The following SYNE1 variants were observed in gnomAD, a reference collection of about 807,000 sequenced individuals.
SYNE1 encodes the protein spectrin repeat containing nuclear envelope protein 1.
Under a neutral mutation model 1,111.0 loss-of-function variants are expected in SYNE1, and 616 were observed. The observed-to-expected ratio is 0.55, with a 90% CI of 0.52 to 0.59. SYNE1 has a LOEUF of 0.59. SYNE1 is among the 20% of genes least tolerant of loss of function. The pLI is 0.00. For synonymous variants in SYNE1, 3,855 were observed against 3,825.8 expected (o/e 1.01, Z -0.28); for missense variants, 10,006 against 10,417.0 (o/e 0.96, Z 1.72).
In SYNE1 at chr6:152,301,463, A is replaced by T. The variant is rs528734203; in HGVS notation, c.17541+406T>A. Among the ~76,000 whole-genome samples, 12 of 152,350 alleles carry T rather than the reference A, an allele frequency of 7.9e-5. No homozygotes were observed. The South Asian group carries it at 2.1e-3, about 26-fold the overall frequency. ...ATTACACATTTATACAGTAGAGTAC[A>T]TGCACATATGTAGTTAGCTAGTTAG... On this transcript the variant is annotated intron_variant, in intron 92 of 145. Coordinates refer to ENST00000367255, the MANE Select transcript of SYNE1 (RefSeq NM_182961.4).
At chr6:152,574,890 T>C (rs1219651914) in intron 3 of SYNE1, among the ~76,000 whole-genome samples, 1 of 152,162 alleles carries the variant, frequency 6.6e-6, no homozygotes, top group Non-Finnish European at 1.5e-5. Context: ...TTTTGGTTTG[T>C]TTTTTGTTTT....
At chr6:152,216,209 G>C (rs2078620478) in intron 121 of SYNE1, among the ~76,000 whole-genome samples, 2 of 152,126 alleles carry the variant, frequency 1.3e-5, no homozygotes, top group Admixed American at 1.3e-4. Flanking sequence ...CTGTTAAATG[G>C]CATAATGTCC....
In SYNE1 at chr6:152,427,515, C is replaced by T; in HGVS notation, c.5100+178G>A. 9.9e-6 allele frequency: 7 copies of T among 704,424 alleles called. No homozygotes were observed. The South Asian group carries it at 1.1e-4, about 11-fold the overall frequency. 43.6% of individuals were successfully genotyped at this position (704,424 alleles called of 1,614,324 possible). A position where few individuals can be genotyped will look rare whatever the true frequency, so the allele number is the denominator to read the frequency against. ...AAGTTCTCATTGTTAGTTTCTCTCC[C>T]TTTCAGGTCATGGTTGCTTTCTTCT... On this transcript the variant is annotated intron_variant, in intron 38 of 145. Transcript: ENST00000367255.
chr6:152,133,687 CT>C (rs1225915801), intron 142 of SYNE1, 199 bp from the exon 143 acceptor site: 3 of 606,976 alleles, frequency 4.9e-6, no homozygotes, highest in Non-Finnish European at 8.8e-6. Context: ...TATAAGACCC[CT>C]GACCGTCTCT....
At chr6:152,201,168 T>C (rs555516359) in intron 127 of SYNE1, among the ~76,000 whole-genome samples, 1 of 152,292 alleles carries the variant, frequency 6.6e-6, no homozygotes, top group East Asian at 1.9e-4. Flanking sequence ...GAACTGCTGT[T>C]TGGACATTTC....
intron 38 of SYNE1, among the ~76,000 whole-genome samples, chr6:152,427,212 T>G (rs984022948): frequency 2.0e-5 from 3 of 152,270 alleles, no homozygotes; most frequent in African/African-American, 7.2e-5. Context: ...ATTCATTTTT[T>G]TCTGTCTTCC....
chr6:152,538,261 A>C (rs2099253232), intron 4 of SYNE1, among the ~76,000 whole-genome samples: 1 of 152,234 alleles, frequency 6.6e-6, no homozygotes, highest in South Asian at 2.1e-4. Flanking sequence ...CTTTCACTGT[A>C]GTATTTTATA....
In SYNE1 at chr6:152,230,461, A is replaced by T. The variant is rs182500931; in HGVS notation, c.21195+86T>A. ...CTTTTAAATATTTAAAAAAATATTTAACTTGCAACTCTCAAGGCCTATAAA... is the reference window on the plus strand; with the variant it reads ...CTTTTAAATATTTAAAAAAATATTTTACTTGCAACTCTCAAGGCCTATAAA... On this transcript the variant is annotated intron_variant, in intron 115 of 145. Transcript: ENST00000367255. 1.9e-5 allele frequency: 26 copies of T among 1,360,794 alleles called. No individual in the cohort carries two copies. In the Admixed American group the frequency reaches 4.3e-4, roughly 23 times the overall value. The allele number at this position is 1,360,794 out of a possible 1,614,324, so 84.3% of individuals were successfully genotyped here. A position where few individuals can be genotyped will look rare whatever the true frequency, so the allele number is the denominator to read the frequency against.
chr6:152,391,132 A>T, intron 52 of SYNE1, 145 bp downstream of exon 52: 1 of 1,120,340 alleles, frequency 8.9e-7, no homozygotes, highest in African/African-American at 1.5e-5. Context: ...ATGCCTCTGT[A>T]TCCTTTTTTG....
At chr6:152,391,596 A>AAAAG in intron 51 of SYNE1, 28 bp from the exon 52 acceptor site, 1 of 1,525,428 alleles carries the variant, frequency 6.6e-7, no homozygotes, top group African/African-American at 1.9e-5. Flanking sequence ...AAAAAAAAAG[A>AAAAG]AAAAAAATTA....
intron 51 of SYNE1, among the ~76,000 whole-genome samples, 168 bp from the exon 52 acceptor site, chr6:152,391,736 C>G (rs577851735): frequency 6.6e-6 from 1 of 152,280 alleles, no homozygotes; most frequent in African/African-American, 2.4e-5. Flanking sequence ...ATTTCATTCT[C>G]TTATGATCTC....
chr6:152,539,143 T>G (rs2099257848), intron 4 of SYNE1, among the ~76,000 whole-genome samples: 1 of 152,140 alleles, frequency 6.6e-6, no homozygotes. Flanking sequence ...GAAGATAAAA[T>G]TGTTTTATCA....
chr6:152,351,989 G>C lies in SYNE1; in HGVS notation c.11580+38C>G. 1.9e-6 allele frequency: 3 copies of C among 1,599,318 alleles called. No individual in the cohort carries two copies. In the African/African-American group the frequency reaches 4.0e-5, roughly 21 times the overall value. On this transcript the variant is annotated intron_variant, in intron 70 of 145. Coordinates refer to ENST00000367255, the MANE Select transcript of SYNE1 (RefSeq NM_182961.4). Reference sequence around the variant, plus strand: ...CCTCCCTCCCATTTGGTCTCTGTGTGACCTCTGCATGCATCTGTCAATGAG... The same window carrying C: ...CCTCCCTCCCATTTGGTCTCTGTGTCACCTCTGCATGCATCTGTCAATGAG...
chr6:152,189,594 A>G (rs2071595394), intron 127 of SYNE1, among the ~76,000 whole-genome samples, 187 bp from the exon 128 acceptor site: 2 of 152,238 alleles, frequency 1.3e-5, no homozygotes, highest in Admixed American at 1.3e-4. Flanking sequence ...TAAAGTATAT[A>G]TCACAATAAA....
chr6:152,149,289 C>A (rs1046114732), intron 136 of SYNE1, among the ~76,000 whole-genome samples, 188 bp downstream of exon 136: 1 of 152,152 alleles, frequency 6.6e-6, no homozygotes, highest in Non-Finnish European at 1.5e-5. Flanking sequence ...TTTGAGGAAG[C>A]TGAGGCAAGA....
chr6:152,463,757 T>C (rs1054472651), intron 18 of SYNE1, among the ~76,000 whole-genome samples: 1 of 152,166 alleles, frequency 6.6e-6, no homozygotes, highest in Non-Finnish European at 1.5e-5. Context: ...AAACAAAACA[T>C]GATGACCATT....
chr6:152,617,750 A>G (rs915659668), intron 3 of SYNE1, among the ~76,000 whole-genome samples: 5 of 152,208 alleles, frequency 3.3e-5, no homozygotes, highest in Non-Finnish European at 7.4e-5. Flanking sequence ...AAAGTAGAGT[A>G]CAAACGAGGA....
At chr6:152,359,258 G>A in intron 65 of SYNE1, 57 bp downstream of exon 65, 1 of 1,610,074 alleles carries the variant, frequency 6.2e-7, no homozygotes, top group Non-Finnish European at 8.5e-7. Flanking sequence ...CTTTAAAGGA[G>A]CACAGCTCCA....
At chr6:152,598,203 T>C (rs1333585439) in intron 3 of SYNE1, among the ~76,000 whole-genome samples, 2 of 151,976 alleles carry the variant, frequency 1.3e-5, no homozygotes, top group Non-Finnish European at 2.9e-5. Flanking sequence ...AATCATGGGG[T>C]CGGGCCTTTC....
Sources: gnomAD v4.1 joint callset for allele counts (sites outside exome capture counted in the v4.1 genomes callset) on GRCh38, gnomAD v4.1.1 for gene constraint, MANE v1.5 for transcripts, NCBI Gene and HGNC (gene_info 2026-07-23, HGNC 2026-07-21) for gene names.